The following GALNT1 variants were observed in gnomAD, a reference collection of about 807,000 sequenced individuals.
GALNT1 encodes polypeptide N-acetylgalactosaminyltransferase 1.
In GALNT1, 17 loss-of-function variants were observed where a neutral mutation model predicts 65.7. The ratio of observed to expected loss-of-function variants is 0.26; its 90% CI spans 0.18 to 0.39. GALNT1 has a LOEUF of 0.39. GALNT1 is among the 10% of genes least tolerant of loss of function. The pLI is 1.00. For missense variants in GALNT1, 460 were observed against 672.8 expected (o/e 0.68, Z 3.50); for synonymous variants, 210 against 219.7 (o/e 0.96, Z 0.39).
At chr18:35,685,742 A>G (rs2047857833) in intron 5 of GALNT1, among the ~76,000 whole-genome samples, 1 of 152,234 alleles carries the variant, frequency 6.6e-6, no homozygotes, top group African/African-American at 2.4e-5. Context: ...AACAATAAGA[A>G]TTTAGCAATG....
In GALNT1 at chr18:35,646,529, T is replaced by C. The variant is rs574274693; in HGVS notation, c.-103-8031T>C. On this transcript the variant is annotated intron_variant, in intron 1 of 11. Coordinates refer to ENST00000269195, the MANE Select transcript of GALNT1 (RefSeq NM_020474.4). ...TAAGCAGGAGGCTTCAGTTTCTTAC[T>C]ATGTGGACCTCTGCATAGGAATGCT... Among the ~76,000 whole-genome samples the C allele has an allele frequency of 2.2e-4, 34 of 152,314 alleles. No individual in the cohort carries two copies. The South Asian group carries it at 5.6e-3, about 25-fold the overall frequency.
intron 1 of GALNT1, among the ~76,000 whole-genome samples, chr18:35,583,381 GGTTT>G (rs1228041794): frequency 2.0e-5 from 3 of 152,208 alleles, no homozygotes; most frequent in Non-Finnish European, 2.9e-5. Context: ...CTGCTCTGCT[GGTTT>G]GTTTGGTGCC....
At chr18:35,669,883 A>C (rs960028544) in intron 3 of GALNT1, among the ~76,000 whole-genome samples, 1 of 152,234 alleles carries the variant, frequency 6.6e-6, no homozygotes, top group Admixed American at 6.5e-5. Flanking sequence ...GGAAGAGAGG[A>C]ATTAAAATTT....
chr18:35,646,867 G>T (rs1305779382), intron 1 of GALNT1, among the ~76,000 whole-genome samples: 1 of 152,100 alleles, frequency 6.6e-6, no homozygotes, highest in Non-Finnish European at 1.5e-5. Context: ...TCTCATTGAA[G>T]GTTCAAAGGC....
At chr18:35,590,697 T>C (rs1468476638) in intron 1 of GALNT1, among the ~76,000 whole-genome samples, 3 of 152,032 alleles carry the variant, frequency 2.0e-5, no homozygotes, top group Non-Finnish European at 4.4e-5. Flanking sequence ...TCTGGGACTA[T>C]TGAAACTCTC....
At chr18:35,603,324 G>A (rs1317727922) in intron 1 of GALNT1, among the ~76,000 whole-genome samples, 5 of 152,122 alleles carry the variant, frequency 3.3e-5, no homozygotes, top group Non-Finnish European at 4.4e-5. Flanking sequence ...TGTGGAGAGA[G>A]AAGTCTGTTT....
chr18:35,693,597 A>G (rs374952774), intron 9 of GALNT1, among the ~76,000 whole-genome samples: 1 of 152,196 alleles, frequency 6.6e-6, no homozygotes, highest in African/African-American at 2.4e-5. Flanking sequence ...TCTGGTTTCT[A>G]TCAAGCTTGA....
chr18:35,648,106 AGGAGGGAAGGAAAGAG>A (rs1483211317), intron 1 of GALNT1, among the ~76,000 whole-genome samples: 3 of 122,246 alleles, frequency 2.5e-5, no homozygotes, highest in East Asian at 2.8e-4. Flanking sequence ...GAGGGAGGAA[AGGAGGGAAGGAAAGAG>A]GGAGGGAAGG....
intron 11 of GALNT1, among the ~76,000 whole-genome samples, chr18:35,708,562 A>G (rs1193007506): frequency 6.6e-6 from 1 of 152,252 alleles, no homozygotes; most frequent in Non-Finnish European, 1.5e-5. Context: ...TCAGATAACT[A>G]TGTGTTAAAC....
intron 1 of GALNT1, among the ~76,000 whole-genome samples, chr18:35,602,703 T>TA (rs1410187654): frequency 6.6e-6 from 1 of 152,220 alleles, no homozygotes; most frequent in East Asian, 1.9e-4. Flanking sequence ...TTTCATGTTT[T>TA]AAAAAACATT....
intron 1 of GALNT1, among the ~76,000 whole-genome samples, chr18:35,612,284 G>A (rs1021940834): frequency 1.3e-5 from 2 of 152,152 alleles, no homozygotes; most frequent in African/African-American, 4.8e-5. Flanking sequence ...ACATCTCCAT[G>A]AAAGATAGAA....
In GALNT1 at chr18:35,611,223, G is replaced by T. The variant is rs1185759391; in HGVS notation, c.-104+29361G>T. Among the ~76,000 whole-genome samples, 3 of 152,138 alleles carry T rather than the reference G, an allele frequency of 2.0e-5. No individual in the cohort carries two copies. In the South Asian group the frequency reaches 6.2e-4, roughly 32 times the overall value. ...TAAAGTGCATATGTGGTGGGAATAC[G>T]GATTCGGGAGCAGGGGAAGGTCCCT... On this transcript the variant is annotated intron_variant, in intron 1 of 11. Coordinates refer to ENST00000269195, the MANE Select transcript of GALNT1 (RefSeq NM_020474.4).
intron 2 of GALNT1, among the ~76,000 whole-genome samples, chr18:35,658,054 C>T (rs772290314): frequency 1.3e-5 from 2 of 152,102 alleles, no homozygotes; most frequent in Non-Finnish European, 2.9e-5. Context: ...TTTTGACAAC[C>T]ACTAGTGGCA....
Position 35,705,876 on chromosome 18 carries a change from G to A in GALNT1, c.1533+2233G>A, listed in dbSNP as rs541867205. ...TCCTTGTGGCCACAAGGTGGTTGCT[G>A]CAGCTTTATCGCATCCCAACTCCAG... On this transcript the variant is annotated intron_variant, in intron 11 of 11. Coordinates refer to ENST00000269195, the MANE Select transcript of GALNT1 (RefSeq NM_020474.4). Among the ~76,000 whole-genome samples the A allele has an allele frequency of 2.0e-5, 3 of 152,286 alleles. No homozygotes were observed. The South Asian group carries it at 6.2e-4, about 32-fold the overall frequency.
rs116747135 is a variant in GALNT1, at chr18:35,606,069, T to G, written c.-104+24207T>G. On this transcript the variant is annotated intron_variant, in intron 1 of 11. Coordinates refer to ENST00000269195, the MANE Select transcript of GALNT1 (RefSeq NM_020474.4). ...TTAAAACAACAAAACTTGTTGGTCT[T>G]GTGACTGATTGACTGGGGCCTTGGT... Among the ~76,000 whole-genome samples, 1,366 of 152,316 alleles carry G rather than the reference T, an allele frequency of 9.0e-3. 21 individuals are homozygous for G. Among genetic ancestry groups the G allele is most frequent in the African/African-American group, 0.029 (1,222 of 41,570 alleles).
chr18:35,630,294 T>C (rs1225488387), intron 1 of GALNT1, among the ~76,000 whole-genome samples: 1 of 152,176 alleles, frequency 6.6e-6, no homozygotes, highest in East Asian at 1.9e-4. Flanking sequence ...ATTGATCACA[T>C]AGTTGGAAGT....
intron 1 of GALNT1, among the ~76,000 whole-genome samples, chr18:35,602,681 C>T (rs1407466629): frequency 6.6e-6 from 1 of 152,168 alleles, no homozygotes; most frequent in Non-Finnish European, 1.5e-5. Flanking sequence ...TTTCTCAGTT[C>T]CAGGATTTCT....
intron 1 of GALNT1, among the ~76,000 whole-genome samples, chr18:35,631,677 T>A (rs569775370): frequency 0.095 from 14,376 of 151,770 alleles, 820 homozygotes; most frequent in African/African-American, 0.17. Context: ...CACCACTCCT[T>A]TTCAACATAG....
intron 4 of GALNT1, among the ~76,000 whole-genome samples, chr18:35,679,390 TAA>T (rs1246331768): frequency 3.3e-5 from 5 of 152,186 alleles, no homozygotes; most frequent in Non-Finnish European, 5.9e-5. Context: ...TGTAGAATAA[TAA>T]GTTTTTGTAG....
Sources: gnomAD v4.1 joint callset for allele counts (sites outside exome capture counted in the v4.1 genomes callset) on GRCh38, gnomAD v4.1.1 for gene constraint, MANE v1.5 for transcripts, NCBI Gene and HGNC (gene_info 2026-07-23, HGNC 2026-07-21) for gene names.